RHOBTB2: variants seen among roughly 807,000 people sequenced by gnomAD.
RHOBTB2 encodes rho-related BTB domain-containing protein 2.
Under a neutral mutation model 66.5 loss-of-function variants are expected in RHOBTB2, and 39 were observed. The observed-to-expected ratio is 0.59, with a 90% CI of 0.45 to 0.77. The LOEUF (loss-of-function observed/expected upper bound fraction) is 0.77. Ranked by LOEUF, RHOBTB2 falls within the 30% of genes least tolerant of loss-of-function variation. The pLI is 0.00. For missense variants in RHOBTB2, 755 were observed against 999.1 expected (o/e 0.76, Z 3.29); for synonymous variants, 390 against 395.0 (o/e 0.99, Z 0.15).
At chr8:22,981,502 C>A in the RHOBTB2 span, among the ~76,000 whole-genome samples, 3 of 152,162 alleles carry the variant, frequency 2.0e-5, no homozygotes, top group Non-Finnish European at 2.9e-5. Context: ...TGTAAGTAGG[C>A]TGGTTTTGAG....
intron 6 of RHOBTB2, among the ~76,000 whole-genome samples, chr8:23,009,747 G>A (rs571216377): frequency 5.3e-5 from 8 of 152,310 alleles, no homozygotes; most frequent in South Asian, 2.1e-4. Context: ...AAGTGGAAGC[G>A]TTGGGAGTTG....
chr8:22,983,328 C>A (rs1810240085), upstream of RHOBTB2, among the ~76,000 whole-genome samples: 2 of 145,212 alleles, frequency 1.4e-5, no homozygotes. Flanking sequence ...CAGTTCAAAC[C>A]ATTTAGTTAA....
chr8:23,007,384 C>T lies in RHOBTB2; in HGVS notation c.1139C>T (p.Pro380Leu), dbSNP rs778573219. ...ILRGNGTGYL[P>L]GRGRVLSSWS... ...CGGGGCAACGGAACAGGGTACCTAC[C>T]GGGCAGGGGTCGTGTGCTGTCTTCC... Residue 380 changes from proline (P) to leucine (L), a missense_variant, in exon 5 of 10, where the codon CCG becomes CTG. Transcript: ENST00000251822. The T allele has an allele frequency of 1.1e-5, 18 of 1,613,896 alleles. No individual in the cohort carries two copies. Among genetic ancestry groups the T allele is most frequent in the African/African-American group, 1.3e-5 (1 of 74,922 alleles).
chr8:22,994,534 C>G, intron 2 of RHOBTB2: 1 of 1,426,982 alleles, frequency 7.0e-7, no homozygotes, highest in Non-Finnish European at 9.7e-7. Flanking sequence ...CTGCCCCGCC[C>G]CATCCACTCC....
chr8:23,017,572 C>A lies in RHOBTB2; in HGVS notation c.*103C>A. On this transcript the variant is annotated 3_prime_UTR_variant, in exon 10 of 10. Coordinates refer to ENST00000251822, the MANE Select transcript of RHOBTB2 (RefSeq NM_015178.3). This position sits in a 1 kb window ranked among gnomAD's most constrained non-coding sequence, Gnocchi z 5.3. ...TCCACCTTACAGGGACCAGGGGGCC[C>A]ACGTAACCAGGACCCAGAGGGTGGA... 2 of 1,493,858 alleles carry A rather than the reference C, an allele frequency of 1.3e-6. No individual in the cohort carries two copies. Among genetic ancestry groups the A allele is most frequent in the Admixed American group, 2.1e-5 (1 of 48,256 alleles). The allele number at this position is 1,493,858 out of a possible 1,614,324, so 92.5% of individuals were successfully genotyped here. A position where few individuals can be genotyped will look rare whatever the true frequency, so the allele number is the denominator to read the frequency against.
At chr8:22,986,754 CA>C (rs931196035), upstream of RHOBTB2, among the ~76,000 whole-genome samples, 51 of 152,320 alleles carry the variant, frequency 3.3e-4, no homozygotes, top group African/African-American at 1.2e-3. Flanking sequence ...ATAGGACTCA[CA>C]AAAAGGTAAA....
the RHOBTB2 span, among the ~76,000 whole-genome samples, chr8:22,962,926 T>C: frequency 6.6e-6 from 1 of 152,208 alleles, no homozygotes. Flanking sequence ...CCTCATTTGC[T>C]CACATGCACC....
chr8:23,009,569 G>A (rs1811075543), intron 6 of RHOBTB2, among the ~76,000 whole-genome samples: 1 of 152,144 alleles, frequency 6.6e-6, no homozygotes, highest in African/African-American at 2.4e-5. Flanking sequence ...CAGGGACTGG[G>A]TCTTTTTCCT....
intron 1 of RHOBTB2, among the ~76,000 whole-genome samples, chr8:22,989,272 C>T (rs139421821): frequency 3.7e-4 from 56 of 152,230 alleles, no homozygotes; most frequent in African/African-American, 1.3e-3. Context: ...CTCAGCCTCC[C>T]AAGTAGCTGG....
chr8:22,969,056 A>G, the RHOBTB2 span, among the ~76,000 whole-genome samples: 2 of 152,210 alleles, frequency 1.3e-5, no homozygotes, highest in African/African-American at 2.4e-5. Flanking sequence ...GGTGATTTAT[A>G]AAGAAAAAGA....
At position 23,014,552 on chromosome 8, in the gene RHOBTB2, C is replaced by T. The variant is rs1439292584; in HGVS notation, c.1772-138C>T. Reference sequence around the variant, plus strand: ...CCCTGGTGGCAGCAGACGTCATAGCCTGGGGCCTTTCCTGGCCTGTCCGGA... The same window carrying T: ...CCCTGGTGGCAGCAGACGTCATAGCTTGGGGCCTTTCCTGGCCTGTCCGGA... On this transcript the variant is annotated intron_variant, in intron 7 of 9. Transcript: ENST00000251822. 6 of 689,602 alleles carry T rather than the reference C, an allele frequency of 8.7e-6. No homozygotes were observed. The African/African-American group carries it at 1.1e-4, about 12-fold the overall frequency. 42.7% of individuals were successfully genotyped at this position (689,602 alleles called of 1,614,324 possible).
At chr8:22,985,579 A>G (rs1377172843), upstream of RHOBTB2, among the ~76,000 whole-genome samples, 1 of 152,224 alleles carries the variant, frequency 6.6e-6, no homozygotes, top group Non-Finnish European at 1.5e-5. Flanking sequence ...GTGGCTTTCC[A>G]CAACTTATTG....
At position 23,007,801 on chromosome 8, in the gene RHOBTB2, C is replaced by T. The variant is rs1811019202; in HGVS notation, c.1501+55C>T. The T allele has an allele frequency of 3.2e-6, 5 of 1,585,540 alleles. No individual in the cohort carries two copies. The East Asian group carries it at 1.1e-4, about 35-fold the overall frequency. ...TTCTGCATTGGTGCTATTAGCATTG[C>T]CTGTCTGTCTCAGCTCCTGGTGTCC... On this transcript the variant is annotated intron_variant, in intron 5 of 9. Transcript: ENST00000251822.
In RHOBTB2 at chr8:23,004,369, GC is replaced by G; in HGVS notation, c.-10-53del. On this transcript the variant is annotated intron_variant, in intron 1 of 9. Transcript: ENST00000251822. This position sits in a 1 kb window ranked among gnomAD's most constrained non-coding sequence, Gnocchi z 6.4. ...AGGAGAGCTGCGGGTGCTGGCCCTGGCCCACGGCGAGCTGGCATGCCATGCC... is the reference window on the plus strand; with the variant it reads ...AGGAGAGCTGCGGGTGCTGGCCCTGGCCACGGCGAGCTGGCATGCCATGCC... 1 of 1,486,726 alleles carries G rather than the reference GC, an allele frequency of 6.7e-7. No homozygotes were observed. The highest frequency in any genetic ancestry group is 9.4e-7 in the Non-Finnish European group (1 of 1,066,872). The allele number at this position is 1,486,726 out of a possible 1,614,324, so 92.1% of individuals were successfully genotyped here.
Position 23,017,203 on chromosome 8 carries a change from C to G in RHOBTB2, c.1967-49C>G, listed in dbSNP as rs776075453. On this transcript the variant is annotated intron_variant, in intron 9 of 9. Transcript: ENST00000251822. This position sits in a 1 kb window ranked among gnomAD's most constrained non-coding sequence, Gnocchi z 5.3. ...GGTAGGGCTGGTGTCCCACGTTCCTCTTGTCCCTCTGCCTCCTTTCTAACC... is the reference window on the plus strand; with the variant it reads ...GGTAGGGCTGGTGTCCCACGTTCCTGTTGTCCCTCTGCCTCCTTTCTAACC... The G allele has an allele frequency of 6.2e-7, 1 of 1,607,210 alleles. No homozygotes were observed. Among genetic ancestry groups the G allele is most frequent in the Non-Finnish European group, 8.5e-7 (1 of 1,175,886 alleles).
At chr8:22,989,734 T>A in intron 1 of RHOBTB2, among the ~76,000 whole-genome samples, 1 of 152,352 alleles carries the variant, frequency 6.6e-6, no homozygotes, top group East Asian at 1.9e-4. Context: ...GCCGTGACTT[T>A]GCGTAGGCCT....
At chr8:22,954,403 A>C in the RHOBTB2 span, among the ~76,000 whole-genome samples, 1 of 152,212 alleles carries the variant, frequency 6.6e-6, no homozygotes, top group East Asian at 1.9e-4. Context: ...AGTTATCTAC[A>C]ATGTATAAAG....
chr8:23,007,900 C>CAG, intron 5 of RHOBTB2, 93 bp from the exon 6 acceptor site: 3 of 1,486,328 alleles, frequency 2.0e-6, no homozygotes, highest in Non-Finnish European at 2.8e-6. Flanking sequence ...TGCCCCGAAT[C>CAG]TTCTGGGTTC....
Position 23,015,724 on chromosome 8 carries a change from C to A in RHOBTB2, c.1947C>A (p.Asp649Glu), listed in dbSNP as rs1811272879. Residue 649 changes from aspartate (D) to glutamate (E), a missense_variant, in exon 9 of 10, where the codon GAC becomes GAA. By Grantham distance (45) the Asp-to-Glu change is conservative. Around this residue, in one of 7 missense-constraint regions of RHOBTB2, gnomAD observed 353 missense variants for 458.2 expected, o/e 0.77. Coordinates refer to ENST00000251822, the MANE Select transcript of RHOBTB2 (RefSeq NM_015178.3). ...YNNVCRKFPRDMKAMSPENQE... is the reference protein window; with the variant it reads ...YNNVCRKFPREMKAMSPENQE... ...ACGTGTGCCGCAAGTTCCCCCGAGA[C>A]ATGAAGGCCATGTCCCCAGGTGAGC... is the stretch of plus-strand genomic sequence containing the variant. 6.2e-7 allele frequency: 1 copy of A among 1,613,188 alleles called. No individual in the cohort carries two copies. Among genetic ancestry groups the A allele is most frequent in the Admixed American group, 1.7e-5 (1 of 59,980 alleles).
Sources: allele counts gnomAD v4.1 joint callset (sites outside exome capture counted in the v4.1 genomes callset), GRCh38; gene constraint gnomAD v4.1.1; regional missense constraint gnomAD v4.1.1; non-coding constraint Gnocchi (gnomAD v3.1); transcripts MANE v1.5; gene names NCBI Gene and HGNC (gene_info 2026-07-23, HGNC 2026-07-21).